EPHB6: variants seen among roughly 807,000 people sequenced by gnomAD.
EPHB6 encodes ephrin type-B receptor 6.
EPHB6 carries 51 observed loss-of-function variants against 107.0 expected under a neutral mutation model. The observed-to-expected ratio is 0.48, with a 90% CI of 0.38 to 0.60. The LOEUF (loss-of-function observed/expected upper bound fraction) is 0.60, where lower values mean the gene tolerates loss of function less well. Among genes scored for constraint, EPHB6 ranks in the 20% least tolerant of loss-of-function variants. The probability of loss-of-function intolerance (pLI) is 0.00; values close to 1 mark genes in which losing one functional copy is unlikely to be tolerated. For missense variants in EPHB6, 1,141 were observed against 1,355.5 expected (o/e 0.84, Z 2.48); for synonymous variants, 553 against 549.0 (o/e 1.01, Z -0.10).
chr7:142,869,343 A>C lies in EPHB6; in HGVS notation c.2460+196A>C, dbSNP rs193110992. ...GGTTTGAGGGATTTCAGGGACCGAG[A>C]CAAAGGGGATGAGGGAGGGGAGGAG... On this transcript the variant is annotated intron_variant, in intron 16 of 19. Transcript: ENST00000652003. This position sits in a 1 kb window ranked among gnomAD's most constrained non-coding sequence, Gnocchi z 4.5. Among the ~76,000 whole-genome samples, 10 of 152,234 alleles carry C rather than the reference A, an allele frequency of 6.6e-5. No individual in the cohort carries two copies. In the East Asian group the frequency reaches 1.9e-3, roughly 29 times the overall value.
intron 1 of EPHB6, among the ~76,000 whole-genome samples, chr7:142,856,623 G>C (rs1802622342): frequency 6.6e-6 from 1 of 152,070 alleles, no homozygotes. Flanking sequence ...GAGGATGGCA[G>C]GTTCTGGAGG....
Position 142,865,967 on chromosome 7 carries a change from A to G in EPHB6, c.1113A>G (p.Pro371=), listed in dbSNP as rs751577186. Residue 371 remains proline, a synonymous_variant, in exon 9 of 20, where the codon CCA becomes CCG. Coordinates refer to ENST00000652003, the MANE Select transcript of EPHB6 (RefSeq NM_004445.6). ...TATCCTCCGGCCCCCCAGGTCCTCC[A>G]TCGGCTCCCCAGGAGCTTTGGTTTG... ...DPPEAPCTGP[P]SAPQELWFEV... 2.5e-5 allele frequency: 41 copies of G among 1,613,446 alleles called. No homozygotes were observed. Among genetic ancestry groups the G allele is most frequent in the Non-Finnish European group, 3.1e-5 (36 of 1,179,968 alleles).
Position 142,869,121 on chromosome 7 carries a change from G to A in EPHB6, c.2434G>A (p.Val812Met). Residue 812 changes from valine (V) to methionine (M), a missense_variant, in exon 16 of 20, where the codon GTG becomes ATG. This residue lies in a region of EPHB6 where 616 missense variants were observed against 759.3 expected (regional missense o/e 0.81). Transcript: ENST00000652003. This position sits in a 1 kb window ranked among gnomAD's most constrained non-coding sequence, Gnocchi z 4.5. ...GGTGAATAGCCACTTGGTGTGCAAG[G>A]TGGCCCGTCTTGGCCACAGTCCTCA... ...VLVNSHLVCKVARLGHSPQGP... is the reference protein window; with the variant it reads ...VLVNSHLVCKMARLGHSPQGP... 6.2e-7 allele frequency: 1 copy of A among 1,613,642 alleles called. No individual in the cohort carries two copies. The highest frequency in any genetic ancestry group is 8.5e-7 in the Non-Finnish European group (1 of 1,179,946).
Position 142,868,286 on chromosome 7 carries a change from CCT to C in EPHB6, c.1965_1966del (p.Cys656SerfsTer18). The C allele has an allele frequency of 6.2e-7, 1 of 1,614,182 alleles. No individual in the cohort carries two copies. The highest frequency in any genetic ancestry group is 1.7e-5 in the Admixed American group (1 of 60,028). Reference sequence around the variant, plus strand: ...ATCGACCCCTCCACCTACGAGGACCCCTGTCAGGCCATCCGAGAACTTGCCCG... The same window carrying C: ...ATCGACCCCTCCACCTACGAGGACCCGTCAGGCCATCCGAGAACTTGCCCG... On this transcript the variant is annotated frameshift_variant, in exon 14 of 20. Coordinates refer to ENST00000652003, the MANE Select transcript of EPHB6 (RefSeq NM_004445.6). LOFTEE classifies it high-confidence loss of function. The surrounding 1 kb of genome is among the most constrained non-coding windows in gnomAD (Gnocchi z 4.2).
At position 142,868,924 on chromosome 7, in the gene EPHB6, C is replaced by T; in HGVS notation, c.2287-50C>T. On this transcript the variant is annotated intron_variant, in intron 15 of 19. Coordinates refer to ENST00000652003, the MANE Select transcript of EPHB6 (RefSeq NM_004445.6). The surrounding 1 kb of genome is among the most constrained non-coding windows in gnomAD (Gnocchi z 4.2). ...TGTCTGCTATGCAGTATGTTGAGGTCTCCCCCTGTCTCCGATCACTGACCT... is the reference window on the plus strand; with the variant it reads ...TGTCTGCTATGCAGTATGTTGAGGTTTCCCCCTGTCTCCGATCACTGACCT... 1.3e-6 allele frequency: 2 copies of T among 1,499,604 alleles called. No individual in the cohort carries two copies. 92.9% of individuals were successfully genotyped at this position (1,499,604 alleles called of 1,614,324 possible).
At position 142,868,440 on chromosome 7, in the gene EPHB6, G is replaced by C. The variant is rs1794723446; in HGVS notation, c.2039-52G>C. 1.2e-6 allele frequency: 2 copies of C among 1,614,074 alleles called. No individual in the cohort carries two copies. Among genetic ancestry groups the C allele is most frequent in the African/African-American group, 2.7e-5 (2 of 74,918 alleles). On this transcript the variant is annotated intron_variant, in intron 14 of 19. Transcript: ENST00000652003. The surrounding 1 kb of genome is among the most constrained non-coding windows in gnomAD (Gnocchi z 4.2). ...CTGGCCAGAGTCCCATCCAAACACA[G>C]CAGGACGCTGTGAGCCTTGATCCCC... is the stretch of plus-strand genomic sequence containing the variant.
rs1794612389 is a variant in EPHB6 at position 142,866,560 on chromosome 7, G to A, written c.1542G>A (p.Gln514=). ...CGGTGTCCTGGCCGCAGCCCGACCA[G>A]ACCAATGGGAACATCCTGGACTATC... ...SITVSWPQPD[Q]TNGNILDYQL... is the part of the protein sequence containing the mutation. Residue 514 remains glutamine, a synonymous_variant, in exon 10 of 20, where the codon CAG becomes CAA. Transcript: ENST00000652003. This position sits in a 1 kb window ranked among gnomAD's most constrained non-coding sequence, Gnocchi z 5.2. 3 of 1,614,052 alleles carry A rather than the reference G, an allele frequency of 1.9e-6. No individual in the cohort carries two copies. The highest frequency in any genetic ancestry group is 2.5e-6 in the Non-Finnish European group (3 of 1,180,054).
rs1794656321 is a variant in EPHB6, at chr7:142,867,360, TTGTG to T, written c.1751-244_1751-241del. On this transcript the variant is annotated intron_variant, in intron 11 of 19. Coordinates refer to ENST00000652003, the MANE Select transcript of EPHB6 (RefSeq NM_004445.6). This position sits in a 1 kb window ranked among gnomAD's most constrained non-coding sequence, Gnocchi z 5.3. Reference sequence around the variant, plus strand: ...GGAGGGCTGTGGGCGTGTGTGTGTGTTGTGTGTCCCTGTGTGTGGATGTGGAGGG... The same window carrying T: ...GGAGGGCTGTGGGCGTGTGTGTGTGTTGTCCCTGTGTGTGGATGTGGAGGG... 3.2e-6 allele frequency: 2 copies of T among 628,820 alleles called. No homozygotes were observed. Among genetic ancestry groups the T allele is most frequent in the Non-Finnish European group, 5.7e-6 (2 of 348,758 alleles). The allele number at this position is 628,820 out of a possible 1,614,324, so 39.0% of individuals were successfully genotyped here. A position where few individuals can be genotyped will look rare whatever the true frequency, so the allele number is the denominator to read the frequency against.
Position 142,865,946 on chromosome 7 carries a change from C to A in EPHB6, c.1106-14C>A. On this transcript the variant is annotated splice_polypyrimidine_tract_variant and intron_variant, in intron 8 of 19. Coordinates refer to ENST00000652003, the MANE Select transcript of EPHB6 (RefSeq NM_004445.6). ...CTCTTGGCCCTTGGACTGCCATATCCTCCGGCCCCCCAGGTCCTCCATCGG... is the reference window on the plus strand; with the variant it reads ...CTCTTGGCCCTTGGACTGCCATATCATCCGGCCCCCCAGGTCCTCCATCGG... 6.2e-7 allele frequency: 1 copy of A among 1,613,358 alleles called. No individual in the cohort carries two copies. Among genetic ancestry groups the A allele is most frequent in the Non-Finnish European group, 8.5e-7 (1 of 1,179,810 alleles).
At chr7:142,860,639 A>G (rs1255097107) in intron 1 of EPHB6, among the ~76,000 whole-genome samples, 1 of 152,232 alleles carries the variant, frequency 6.6e-6, no homozygotes, top group Non-Finnish European at 1.5e-5. Context: ...GCAATTTGCC[A>G]TATGGAAATG....
chr7:142,865,730 C>G (rs1327504674), intron 8 of EPHB6, 100 bp downstream of exon 8: 2 of 1,501,364 alleles, frequency 1.3e-6, no homozygotes, highest in Non-Finnish European at 1.8e-6. Flanking sequence ...TTTGGAGTGA[C>G]TTGTTTTTCC....
At position 142,867,707 on chromosome 7, in the gene EPHB6, C is replaced by G. The variant is rs368197867; in HGVS notation, c.1850C>G (p.Ala617Gly). ...FLLLAAITVLAVVFQRKRRGT... is the reference protein window; with the variant it reads ...FLLLAAITVLGVVFQRKRRGT... ...CTGCTGGCAGCCATCACCGTGCTGG[C>G]GGTCGTCTTCCAGCGGTGAGTCCCC... is the stretch of plus-strand genomic sequence containing the variant. Residue 617 changes from alanine to glycine, a missense_variant, in exon 12 of 20, where the codon GCG (alanine) becomes GGG (glycine). By Grantham distance (60) the Ala-to-Gly change is moderately conservative (BLOSUM62 0). This residue lies in a region of EPHB6 where 616 missense variants were observed against 759.3 expected (regional missense o/e 0.81). Transcript: ENST00000652003. The surrounding 1 kb of genome is among the most constrained non-coding windows in gnomAD (Gnocchi z 5.3). The G allele has an allele frequency of 7.8e-5, 126 of 1,611,734 alleles. No individual in the cohort carries two copies. Among genetic ancestry groups the G allele is most frequent in the Non-Finnish European group, 1.0e-4 (122 of 1,179,562 alleles).
At chr7:142,857,015 C>T (rs1215479253) in intron 1 of EPHB6, among the ~76,000 whole-genome samples, 1 of 152,248 alleles carries the variant, frequency 6.6e-6, no homozygotes, top group East Asian at 1.9e-4. Flanking sequence ...TTACTCATCT[C>T]TCAGGCACAT....
intron 5 of EPHB6, 31 bp from the exon 6 acceptor site, chr7:142,863,600 G>A (rs767546292): frequency 5.8e-5 from 94 of 1,611,550 alleles, no homozygotes; most frequent in Non-Finnish European, 7.4e-5. Context: ...TGGAGGCTTG[G>A]CCACTGTGTG....
At position 142,864,356 on chromosome 7, in the gene EPHB6, G is replaced by C. The variant is rs750457941; in HGVS notation, c.556G>C (p.Gly186Arg). The change falls in exon 7 of 20, where the codon GGG (glycine) becomes CGG (arginine). Residue 186 changes from glycine to arginine, a missense_variant. Transcript: ENST00000652003. ...TGCAGCGTGGGCTGTGGGACCCCAC[G>C]GGGCTGGGCAGCGGGCTGGACTGCA... Reference protein sequence around the residue: ...SSAAWAVGPHGAGQRAGLQLN... With the variant: ...SSAAWAVGPHRAGQRAGLQLN... 1 of 1,613,348 alleles carries C rather than the reference G, an allele frequency of 6.2e-7. No homozygotes were observed. Among genetic ancestry groups the C allele is most frequent in the Non-Finnish European group, 8.5e-7 (1 of 1,180,018 alleles).
chr7:142,863,602 C>T (rs1248799238), intron 5 of EPHB6, 29 bp from the exon 6 acceptor site: 2 of 1,612,118 alleles, frequency 1.2e-6, no homozygotes, highest in East Asian at 2.2e-5. Context: ...GAGGCTTGGC[C>T]ACTGTGTGCC....
chr7:142,868,488 C>T lies in EPHB6; in HGVS notation c.2039-4C>T. On this transcript the variant is annotated splice_region_variant and splice_polypyrimidine_tract_variant and intron_variant, in intron 14 of 19. Coordinates refer to ENST00000652003, the MANE Select transcript of EPHB6 (RefSeq NM_004445.6). The surrounding 1 kb of genome is among the most constrained non-coding windows in gnomAD (Gnocchi z 4.2). ...CCCACCCCAACCTACACCTATTTTC[C>T]CAGGCTCTTTTGGAGAAGTGCGCCA... The T allele has an allele frequency of 6.2e-7, 1 of 1,614,110 alleles. No homozygotes were observed. The highest frequency in any genetic ancestry group is 8.5e-7 in the Non-Finnish European group (1 of 1,180,036).
rs188484810 is a variant in EPHB6 at position 142,869,274 on chromosome 7, G to A, written c.2460+127G>A. The A allele has an allele frequency of 1.4e-4, 156 of 1,099,524 alleles. No individual in the cohort carries two copies. The African/African-American group carries it at 2.1e-3, about 15-fold the overall frequency. The allele number at this position is 1,099,524 out of a possible 1,614,324, so 68.1% of individuals were successfully genotyped here. On this transcript the variant is annotated intron_variant, in intron 16 of 19. Coordinates refer to ENST00000652003, the MANE Select transcript of EPHB6 (RefSeq NM_004445.6). The surrounding 1 kb of genome is among the most constrained non-coding windows in gnomAD (Gnocchi z 4.5). ...GGGGTGTCATAGTCCCTGAAAGGAG[G>A]GAGGCTCTCCTGTGTGATGGGGAGA...
intron 1 of EPHB6, among the ~76,000 whole-genome samples, chr7:142,857,879 G>A (rs894562816): frequency 6.6e-6 from 1 of 152,064 alleles, no homozygotes; most frequent in Non-Finnish European, 1.5e-5. Flanking sequence ...CAATTATTTT[G>A]GTTTTCTTGT....
Sources: gnomAD v4.1 joint callset for allele counts (sites outside exome capture counted in the v4.1 genomes callset) on GRCh38, gnomAD v4.1.1 for gene constraint, gnomAD v4.1.1 regional missense constraint, Gnocchi (gnomAD v3.1) non-coding constraint, MANE v1.5 for transcripts, NCBI Gene and HGNC (gene_info 2026-07-23, HGNC 2026-07-21) for gene names.